THG1L: variants seen among roughly 807,000 people sequenced by gnomAD.
The protein encoded by THG1L is probable tRNA(His) guanylyltransferase.
A neutral mutation model predicts 35.2 loss-of-function variants in THG1L; 27 were observed. The ratio of observed to expected loss-of-function variants is 0.77; its 90% CI spans 0.57 to 1.06. THG1L has a LOEUF of 1.06. Among genes scored for constraint, THG1L ranks in the 50% least tolerant of loss-of-function variants. THG1L has a pLI of 0.00. For synonymous variants in THG1L, 135 were observed against 132.4 expected (o/e 1.02, Z -0.14); for missense variants, 377 against 371.8 (o/e 1.01, Z -0.12).
chr5:157,734,387 T>TA (rs1257334462), intron 2 of THG1L, among the ~76,000 whole-genome samples, 189 bp from the exon 3 acceptor site: 1 of 151,838 alleles, frequency 6.6e-6, no homozygotes, highest in Non-Finnish European at 1.5e-5. Context: ...GACTCTGTCC[T>TA]AAAAAAAGAA....
At position 157,734,679 on chromosome 5, in the gene THG1L, G is replaced by T; in HGVS notation, c.472G>T (p.Gly158Ter). Residue 158 changes from glycine to a stop codon, truncating the protein, a stop_gained, in exon 3 of 6, where the codon GGA becomes TGA. Transcript: ENST00000231198. LOFTEE classifies it high-confidence loss of function. ...CCTTCTGTATCCCCCAGGCTTTGAC[G>T]GAAGAGTCGTGGTGTATCCCAGCAA... is the stretch of plus-strand genomic sequence containing the variant. ...QPLLYPPGFD[G>*]RVVVYPSNQT... 6.2e-7 allele frequency: 1 copy of T among 1,614,060 alleles called. No homozygotes were observed. The highest frequency in any genetic ancestry group is 8.5e-7 in the Non-Finnish European group (1 of 1,180,010).
intron 1 of THG1L, 97 bp from the exon 2 acceptor site, chr5:157,732,771 A>C (rs1447309986): frequency 3.5e-6 from 5 of 1,448,780 alleles, no homozygotes; most frequent in Non-Finnish European, 3.8e-6. Flanking sequence ...GTGCTATTAC[A>C]TTATCTTCCT....
At chr5:157,734,417 G>T (rs186214598) in intron 2 of THG1L, among the ~76,000 whole-genome samples, 159 bp from the exon 3 acceptor site, 11 of 152,002 alleles carry the variant, frequency 7.2e-5, no homozygotes, top group African/African-American at 2.4e-4. Context: ...CAGAACCAAG[G>T]TATTAAAATA....
At chr5:157,734,100 A>T (rs1292323474) in intron 2 of THG1L, among the ~76,000 whole-genome samples, 1 of 152,010 alleles carries the variant, frequency 6.6e-6, no homozygotes, top group African/African-American at 2.4e-5. Context: ...TTTAAAATAC[A>T]TAACTGGCCA....
chr5:157,740,678 G>A lies in THG1L; in HGVS notation c.*1196G>A, dbSNP rs1185926829. On this transcript the variant is annotated 3_prime_UTR_variant, in exon 6 of 6. Coordinates refer to ENST00000231198, the MANE Select transcript of THG1L (RefSeq NM_017872.5). ...GCACCTTGGGAGGCCCAGGCAGGCA[G>A]ATCACCTGAGGTCGGGAGTTCGAGA... 6.6e-6 allele frequency: 1 copy of A among 152,294 alleles called. No homozygotes were observed. The highest frequency in any genetic ancestry group is 6.5e-5 in the Admixed American group (1 of 15,280). The allele number at this position is 152,294 out of a possible 1,614,324, so 9.4% of individuals were successfully genotyped here.
At position 157,734,756 on chromosome 5, in the gene THG1L, C is replaced by T. The variant is rs1214001096; in HGVS notation, c.538+11C>T. 6.2e-7 allele frequency: 1 copy of T among 1,613,792 alleles called. No individual in the cohort carries two copies. The highest frequency in any genetic ancestry group is 1.3e-5 in the African/African-American group (1 of 74,876). ...GGCGACAAGCAGATTGTGAGTGGCA[C>T]CAAATAAACACATGTAGTTAAACCA... is the stretch of plus-strand genomic sequence containing the variant. On this transcript the variant is annotated intron_variant, in intron 3 of 5. Coordinates refer to ENST00000231198, the MANE Select transcript of THG1L (RefSeq NM_017872.5).
chr5:157,735,609 G>T (rs1194158453), intron 3 of THG1L, among the ~76,000 whole-genome samples: 1 of 152,194 alleles, frequency 6.6e-6, no homozygotes, highest in Non-Finnish European at 1.5e-5. Flanking sequence ...CAAGTTAACA[G>T]ATTTGTATAA....
In THG1L at chr5:157,732,868, GT is replaced by G. The variant is rs1760765226; in HGVS notation, c.195del (p.Phe65LeufsTer18). ...TTTCTTCCCTTTTTCCCCTGTGAAG[GT>G]TTGCTGAGAAGCACAACTTTGCAAA... ...VRLDGRNFHRFAEKHNFAKPN... is the reference protein window; with the variant it reads ...VRLDGRNFHRXAEKHNFAKPN... On this transcript the variant is annotated frameshift_variant and splice_region_variant, in exon 2 of 6. Coordinates refer to ENST00000231198, the MANE Select transcript of THG1L (RefSeq NM_017872.5). LOFTEE classifies it high-confidence loss of function. The G allele has an allele frequency of 4.3e-6, 7 of 1,614,068 alleles. No homozygotes were observed. The highest frequency in any genetic ancestry group is 5.9e-6 in the Non-Finnish European group (7 of 1,179,970).
rs1007514985 is a variant in THG1L at position 157,739,077 on chromosome 5, A to G, written c.736-244A>G. Among the ~76,000 whole-genome samples, 6 of 152,222 alleles carry G rather than the reference A, an allele frequency of 3.9e-5. No homozygotes were observed. In the East Asian group the frequency reaches 9.6e-4, roughly 24 times the overall value. On this transcript the variant is annotated intron_variant, in intron 5 of 5. Coordinates refer to ENST00000231198, the MANE Select transcript of THG1L (RefSeq NM_017872.5). The stretch of plus-strand genomic sequence containing the variant: ...GCGTGAGCCACCGCGCTCGGATAAC[A>G]TAACCTTTTTAAAACTATTTTTAAT...
rs141230083 is a variant in THG1L, at chr5:157,734,666, C to T, written c.459C>T (p.Pro153=). 1.2e-6 allele frequency: 2 copies of T among 1,614,148 alleles called. No individual in the cohort carries two copies. The highest frequency in any genetic ancestry group is 1.7e-6 in the Non-Finnish European group (2 of 1,180,026). The change falls in exon 3 of 6, where the codon CCC becomes CCT. Residue 153 remains proline, a synonymous_variant. Coordinates refer to ENST00000231198, the MANE Select transcript of THG1L (RefSeq NM_017872.5). ...DYFEDQPLLY[P]PGFDGRVVVY... is the part of the protein sequence containing the mutation. ...TTGAGGACCAGCCCCTTCTGTATCC[C>T]CCAGGCTTTGACGGAAGAGTCGTGG...
intron 1 of THG1L, among the ~76,000 whole-genome samples, chr5:157,732,215 C>CAAAAAAAAAAAAAAAAAAAAA (rs34744387): frequency 3.7e-5 from 2 of 53,892 alleles, no homozygotes; most frequent in Non-Finnish European, 6.1e-5. Flanking sequence ...TCCGCCACTA[C>CAAAAAAAAAAAAAAAAAAAAA]AAAAAAAAAA....
rs1231847803 is a variant in THG1L, at chr5:157,741,358, T to A, written c.*1876T>A. The A allele has an allele frequency of 6.6e-6, 1 of 152,230 alleles. No homozygotes were observed. The highest frequency in any genetic ancestry group is 2.4e-5 in the African/African-American group (1 of 41,456). 9.4% of individuals were successfully genotyped at this position (152,230 alleles called of 1,614,324 possible). ...CTGTCGATGCCATTTTTTCCCTTCC[T>A]GTTCTCACTCCACAGAAAGAGGAGA... On this transcript the variant is annotated 3_prime_UTR_variant, in exon 6 of 6. Coordinates refer to ENST00000231198, the MANE Select transcript of THG1L (RefSeq NM_017872.5).
rs1761039407 is a variant in THG1L at position 157,741,380 on chromosome 5, G to A, written c.*1898G>A. ...TCCTGTTCTCACTCCACAGAAAGAG[G>A]AGATACGGTTCTTGTTTGGTAATTG... On this transcript the variant is annotated 3_prime_UTR_variant, in exon 6 of 6. Transcript: ENST00000231198. The A allele has an allele frequency of 6.6e-6, 1 of 152,132 alleles. No homozygotes were observed. Among genetic ancestry groups the A allele is most frequent in the Non-Finnish European group, 1.5e-5 (1 of 68,036 alleles). 9.4% of individuals were successfully genotyped at this position (152,132 alleles called of 1,614,324 possible).
intron 1 of THG1L, 32 bp from the exon 2 acceptor site, chr5:157,732,836 T>C (rs370284258): frequency 6.9e-5 from 111 of 1,613,198 alleles, no homozygotes; most frequent in South Asian, 3.2e-4. Context: ...CAGGCTTCCA[T>C]CCATGCTTTC....
intron 2 of THG1L, 39 bp downstream of exon 2, chr5:157,733,083 C>T: frequency 3.1e-6 from 5 of 1,601,682 alleles, no homozygotes; most frequent in Non-Finnish European, 3.4e-6. Flanking sequence ...AGAATATTTC[C>T]TCCCAGCATC....
chr5:157,732,824 G>A, intron 1 of THG1L, 44 bp from the exon 2 acceptor site: 1 of 1,610,098 alleles, frequency 6.2e-7, no homozygotes. Context: ...TGTTGTTAAT[G>A]ACAGGCTTCC....
At position 157,731,613 on chromosome 5, in the gene THG1L, A is replaced by G; in HGVS notation, c.173A>G (p.Asp58Gly). Residue 58 changes from aspartate (D) to glycine (G), a missense_variant, in exon 1 of 6, where the codon GAC becomes GGC. By Grantham distance (94) the Asp-to-Gly change is moderately conservative (BLOSUM62 -1). Coordinates refer to ENST00000231198, the MANE Select transcript of THG1L (RefSeq NM_017872.5). ...LAHCWVVVRL[D>G]GRNFHRFAEK... ...CACTGCTGGGTGGTAGTGCGGCTGG[A>G]CGGCCGGAATTTCCATCGGTGAGCG... is the stretch of plus-strand genomic sequence containing the variant. 1 of 1,596,804 alleles carries G rather than the reference A, an allele frequency of 6.3e-7. No homozygotes were observed. The highest frequency in any genetic ancestry group is 1.7e-4 in the Middle Eastern group (1 of 5,974).
intron 4 of THG1L, among the ~76,000 whole-genome samples, chr5:157,736,200 A>T (rs1435876749): frequency 6.6e-6 from 1 of 151,242 alleles, no homozygotes; most frequent in African/African-American, 2.4e-5. Context: ...ACGTGCTAAC[A>T]CTTGCCTGAA....
At chr5:157,732,790 C>G (rs1206701347) in intron 1 of THG1L, 78 bp from the exon 2 acceptor site, 3 of 1,524,232 alleles carry the variant, frequency 2.0e-6, no homozygotes, top group Non-Finnish European at 1.8e-6. Flanking sequence ...CTCCAAACAG[C>G]CTCTGTTATC....
Sources: gnomAD v4.1 joint callset for allele counts (sites outside exome capture counted in the v4.1 genomes callset) on GRCh38, gnomAD v4.1.1 for gene constraint, MANE v1.5 for transcripts, NCBI Gene and HGNC (gene_info 2026-07-23, HGNC 2026-07-21) for gene names.